The following EXT1 variants were observed in gnomAD, a reference collection of about 807,000 sequenced individuals.
The protein encoded by EXT1 is exostosin glycosyltransferase 1.
Under a neutral mutation model 82.5 loss-of-function variants are expected in EXT1, and 20 were observed. The observed-to-expected ratio is 0.24, with a 90% CI of 0.17 to 0.35. The LOEUF is 0.35. EXT1 is among the 10% of genes least tolerant of loss of function. The pLI is 1.00. For synonymous variants in EXT1, 348 were observed against 350.8 expected (o/e 0.99, Z 0.09); for missense variants, 757 against 936.5 (o/e 0.81, Z 2.50).
intron 1 of EXT1, among the ~76,000 whole-genome samples, chr8:117,906,212 A>G (rs1813541367): frequency 6.6e-6 from 1 of 152,224 alleles, no homozygotes; most frequent in Non-Finnish European, 1.5e-5. Context: ...TTACTTTCAC[A>G]GCATCTCTCA....
intron 1 of EXT1, among the ~76,000 whole-genome samples, chr8:118,032,116 G>GCCA (rs1228542700): frequency 1.4e-5 from 2 of 138,606 alleles, no homozygotes; most frequent in Non-Finnish European, 3.1e-5. Context: ...CGCGGTTTTG[G>GCCA]CCATTACTCA....
intron 1 of EXT1, among the ~76,000 whole-genome samples, chr8:118,016,294 G>A (rs761509696): frequency 3.3e-5 from 5 of 152,232 alleles, no homozygotes; most frequent in Non-Finnish European, 7.3e-5. Flanking sequence ...TTGGGTGGGA[G>A]AGGCATGAGA....
intron 1 of EXT1, among the ~76,000 whole-genome samples, chr8:117,996,639 T>C (rs1815543355): frequency 6.6e-6 from 1 of 152,220 alleles, no homozygotes; most frequent in Non-Finnish European, 1.5e-5. Flanking sequence ...CCAGTAAATT[T>C]TGGAGTAATT....
chr8:118,019,385 T>A (rs1418782299), intron 1 of EXT1, among the ~76,000 whole-genome samples: 1 of 151,352 alleles, frequency 6.6e-6, no homozygotes. Flanking sequence ...ACTCAAAAAG[T>A]GTGTGTTTGT....
intron 4 of EXT1, among the ~76,000 whole-genome samples, chr8:117,827,689 G>C (rs1812028476): frequency 6.7e-6 from 1 of 148,414 alleles, no homozygotes. Flanking sequence ...GGGAGGCTGA[G>C]GCCTCAGAAA....
At chr8:117,922,093 C>T (rs1306313887) in intron 1 of EXT1, among the ~76,000 whole-genome samples, 1 of 151,922 alleles carries the variant, frequency 6.6e-6, no homozygotes, top group Non-Finnish European at 1.5e-5. Flanking sequence ...AGATAATCCA[C>T]TTTGGTTCAG....
intron 1 of EXT1, among the ~76,000 whole-genome samples, chr8:118,007,229 G>A (rs745959590): frequency 3.3e-5 from 5 of 151,996 alleles, no homozygotes; most frequent in Non-Finnish European, 7.4e-5. Context: ...CCCAGGAGGC[G>A]GAGCTTGCAG....
intron 1 of EXT1, among the ~76,000 whole-genome samples, chr8:117,977,128 T>C (rs534143291): frequency 1.3e-5 from 2 of 152,290 alleles, no homozygotes; most frequent in South Asian, 4.1e-4. Flanking sequence ...AGCTTGCACC[T>C]ATAATCCCAG....
At chr8:118,018,315 C>A (rs994187815) in intron 1 of EXT1, among the ~76,000 whole-genome samples, 12 of 152,086 alleles carry the variant, frequency 7.9e-5, no homozygotes, top group Non-Finnish European at 1.6e-4. Flanking sequence ...AAAACACACA[C>A]ACATGTATGC....
chr8:117,985,269 G>C (rs1815294062), intron 1 of EXT1, among the ~76,000 whole-genome samples: 1 of 152,202 alleles, frequency 6.6e-6, no homozygotes, highest in Admixed American at 6.5e-5. Flanking sequence ...ACAAGCCACA[G>C]ACCTCTTTCC....
intron 1 of EXT1, among the ~76,000 whole-genome samples, chr8:118,102,469 ACTTTACAAAACTGACAGAC>A (rs1300350670): frequency 6.6e-6 from 1 of 152,180 alleles, no homozygotes; most frequent in African/African-American, 2.4e-5. Flanking sequence ...TCTGACTTCA[ACTTTACAAAACTGACAGAC>A]TAGAATGGTA....
chr8:117,865,471 C>A (rs532107370), intron 1 of EXT1, among the ~76,000 whole-genome samples: 1 of 152,236 alleles, frequency 6.6e-6, no homozygotes, highest in Admixed American at 6.5e-5. Flanking sequence ...GATTATAGAG[C>A]GAGAAAAACA....
Position 117,799,314 on chromosome 8 carries a change from GTCTGTGGGAAAAGGAATAGCA to G in EXT1, c.*377_*397del. 4.1e-6 allele frequency: 1 copy of G among 246,734 alleles called. No homozygotes were observed. The highest frequency in any genetic ancestry group is 7.3e-5 in the South Asian group (1 of 13,652). The allele number at this position is 246,734 out of a possible 1,614,324, so 15.3% of individuals were successfully genotyped here. On this transcript the variant is annotated 3_prime_UTR_variant, in exon 11 of 11. Coordinates refer to ENST00000378204, the MANE Select transcript of EXT1 (RefSeq NM_000127.3). ...CACCCTACATGGCCATGACAATGATGTCTGTGGGAAAAGGAATAGCAGCTTTGAAATATTCACAACCAACAC... is the reference window on the plus strand; with the variant it reads ...CACCCTACATGGCCATGACAATGATGGCTTTGAAATATTCACAACCAACAC...
At chr8:117,898,320 T>G (rs1282221672) in intron 1 of EXT1, among the ~76,000 whole-genome samples, 1 of 152,196 alleles carries the variant, frequency 6.6e-6, no homozygotes, top group African/African-American at 2.4e-5. Flanking sequence ...TACCTTCCTG[T>G]GGGCTGGCTG....
rs59973422 is a variant in EXT1, at chr8:117,870,823, T to TCACACACACA, written c.963-33632_963-33623dup. ...CAGTGGGTATACCATAAATGCTTTG[T>TCACACACACA]CACACACACACACACACACACACAC... On this transcript the variant is annotated intron_variant, in intron 1 of 10. Transcript: ENST00000378204. 9.3e-3 allele frequency among the ~76,000 whole-genome samples: 1,365 copies of TCACACACACA among 146,856 alleles called. 6 individuals are homozygous for TCACACACACA. The highest frequency in any genetic ancestry group is 0.019 in the South Asian group (87 of 4,608).
intron 1 of EXT1, among the ~76,000 whole-genome samples, chr8:117,886,621 G>T (rs1156777549): frequency 6.6e-6 from 1 of 152,168 alleles, no homozygotes; most frequent in Non-Finnish European, 1.5e-5. Context: ...CCAAAGAAAA[G>T]CTACACTTTA....
chr8:118,044,701 G>C (rs147748220), intron 1 of EXT1, among the ~76,000 whole-genome samples: 9,015 of 151,998 alleles, frequency 0.059, 670 homozygotes, highest in African/African-American at 0.17. Flanking sequence ...GCCACCGTGC[G>C]CGGCTGATTT....
chr8:117,958,905 A>C (rs922739210), intron 1 of EXT1, among the ~76,000 whole-genome samples: 2 of 152,122 alleles, frequency 1.3e-5, no homozygotes, highest in African/African-American at 2.4e-5. Flanking sequence ...CTCCCCTACT[A>C]AACATTCCCA....
chr8:117,993,382 G>A (rs17505044), intron 1 of EXT1, among the ~76,000 whole-genome samples: 4,598 of 152,290 alleles, frequency 0.03, 223 homozygotes, highest in African/African-American at 0.11. Flanking sequence ...GCAGGATACA[G>A]CCAGGCCAGC....
Sources: allele counts gnomAD v4.1 joint callset (sites outside exome capture counted in the v4.1 genomes callset), GRCh38; gene constraint gnomAD v4.1.1; transcripts MANE v1.5; gene names NCBI Gene and HGNC (gene_info 2026-07-23, HGNC 2026-07-21).